Variants in ACOXL observed in about 807,000 individuals in gnomAD.
ACOXL encodes the protein acyl-coenzyme A oxidase-like protein.
A neutral mutation model predicts 71.9 loss-of-function variants in ACOXL; 70 were observed. The ratio of observed to expected loss-of-function variants is 0.97; its 90% CI spans 0.80 to 1.19. The LOEUF (loss-of-function observed/expected upper bound fraction) is 1.19, where lower values mean the gene tolerates loss of function less well. Among genes scored for constraint, ACOXL ranks in the 50% most tolerant of loss-of-function variants. ACOXL has a pLI of 0.00. For synonymous variants in ACOXL, 253 were observed against 281.6 expected, an observed-to-expected ratio of 0.90 and a Z score of 1.02; for missense variants, 703 against 736.3, an observed-to-expected ratio of 0.95 and a Z score of 0.52.
intron 12 of ACOXL, among the ~76,000 whole-genome samples, chr2:110,951,072 A>G (rs192361716): frequency 2.9e-4 from 44 of 152,240 alleles, no homozygotes; most frequent in Non-Finnish European, 1.2e-4. Flanking sequence ...TCTGCATCTC[A>G]GTTGAGTCAG....
At chr2:110,891,140 A>G (rs1296814140) in intron 10 of ACOXL, among the ~76,000 whole-genome samples, 1 of 152,008 alleles carries the variant, frequency 6.6e-6, no homozygotes, top group African/African-American at 2.4e-5. Flanking sequence ...ACCTTGCTGA[A>G]CTTGTTTTTT....
intron 14 of ACOXL, among the ~76,000 whole-genome samples, chr2:110,996,920 C>A (rs2063420644): frequency 6.6e-6 from 1 of 152,198 alleles, no homozygotes; most frequent in Non-Finnish European, 1.5e-5. Flanking sequence ...TGGATGAGAA[C>A]CTGCAGGAAG....
rs12105002 is a variant in ACOXL at position 110,801,726 on chromosome 2, T to G, written c.620+2T>G. On this transcript the variant is annotated splice_donor_variant, in intron 8 of 17. Coordinates refer to ENST00000439055, the MANE Select transcript of ACOXL (RefSeq NM_001142807.4). LOFTEE classifies it high-confidence loss of function. ...ACCCAGGGAGAACCTGCTGGATAAG[T>G]GAGTAGTTTCTCCTTAACTCAGGTC... 5.6e-6 allele frequency: 9 copies of G among 1,613,468 alleles called. No homozygotes were observed. The highest frequency in any genetic ancestry group is 7.6e-6 in the Non-Finnish European group (9 of 1,179,378).
At chr2:111,110,617 C>T (rs1315235799) in intron 17 of ACOXL, among the ~76,000 whole-genome samples, 1 of 152,180 alleles carries the variant, frequency 6.6e-6, no homozygotes, top group Non-Finnish European at 1.5e-5. Flanking sequence ...CTCTGTTAGG[C>T]CCAGTCTTCT....
chr2:110,879,083 A>G (rs1696299603), intron 10 of ACOXL, among the ~76,000 whole-genome samples: 1 of 152,078 alleles, frequency 6.6e-6, no homozygotes, highest in South Asian at 2.1e-4. Flanking sequence ...AAAACAAAAC[A>G]AAAATAAAGT....
chr2:110,748,829 T>G (rs552780730), intron 1 of ACOXL, among the ~76,000 whole-genome samples: 2 of 152,352 alleles, frequency 1.3e-5, no homozygotes, highest in South Asian at 2.1e-4. Context: ...TGTGACTGCT[T>G]GGCCGTGGTT....
At chr2:110,908,713 C>A (rs566537037) in intron 10 of ACOXL, 76 bp from the exon 11 acceptor site, 11 of 1,156,298 alleles carry the variant, frequency 9.5e-6, no homozygotes, top group Non-Finnish European at 1.3e-5. Context: ...GGCTAGCCAG[C>A]ATTTTTAGCT....
At chr2:111,056,007 A>G (rs1288969063) in intron 16 of ACOXL, among the ~76,000 whole-genome samples, 2 of 152,162 alleles carry the variant, frequency 1.3e-5, no homozygotes, top group Admixed American at 6.5e-5. Flanking sequence ...CTGAGTCCCT[A>G]TTGTGTGTCA....
intron 10 of ACOXL, among the ~76,000 whole-genome samples, chr2:110,889,151 A>G (rs529773557): frequency 6.6e-6 from 1 of 152,336 alleles, no homozygotes; most frequent in Admixed American, 6.5e-5. Context: ...TTTGCACTCA[A>G]CTGTATAGAA....
chr2:111,021,632 C>T (rs990363428), intron 14 of ACOXL, among the ~76,000 whole-genome samples: 4 of 152,082 alleles, frequency 2.6e-5, no homozygotes, highest in South Asian at 2.1e-4. Flanking sequence ...AGAGAGGCTG[C>T]GGGTGGAGAG....
intron 15 of ACOXL, among the ~76,000 whole-genome samples, chr2:111,036,537 G>T (rs1243008220): frequency 6.6e-6 from 1 of 152,200 alleles, no homozygotes; most frequent in Non-Finnish European, 1.5e-5. Context: ...GGAAGAGAAG[G>T]AATGTCCCCT....
chr2:110,835,387 G>A (rs1046625961), intron 9 of ACOXL, among the ~76,000 whole-genome samples: 5 of 152,038 alleles, frequency 3.3e-5, no homozygotes, highest in African/African-American at 1.2e-4. Flanking sequence ...TCCTCTTTTG[G>A]TGGAATGACA....
intron 17 of ACOXL, among the ~76,000 whole-genome samples, chr2:111,115,082 C>T (rs2150091509): frequency 6.6e-6 from 1 of 152,210 alleles, no homozygotes; most frequent in East Asian, 1.9e-4. Flanking sequence ...CTTGTTCATA[C>T]TTTTTTATTT....
At position 111,032,680 on chromosome 2, in the gene ACOXL, G is replaced by T. The variant is rs3789089; in HGVS notation, c.1369+966G>T. Among the ~76,000 whole-genome samples the T allele has an allele frequency of 8.9e-4, 136 of 152,204 alleles. 2 individuals are homozygous for T. In the East Asian group the frequency reaches 0.023, roughly 26 times the overall value. On this transcript the variant is annotated intron_variant, in intron 15 of 17. Coordinates refer to ENST00000439055, the MANE Select transcript of ACOXL (RefSeq NM_001142807.4). ...GGTCATACCACAGCTTGCATCTGGG[G>T]CACTATCTCATGGGATGGAGATGGG...
At chr2:111,076,944 C>T (rs2149954822) in intron 16 of ACOXL, among the ~76,000 whole-genome samples, 1 of 152,290 alleles carries the variant, frequency 6.6e-6, no homozygotes, top group Middle Eastern at 3.4e-3. Flanking sequence ...CCTCTTCTGT[C>T]TGTGAAATCT....
intron 16 of ACOXL, among the ~76,000 whole-genome samples, chr2:111,061,966 TAAA>T (rs1195035148): frequency 1.3e-5 from 2 of 151,076 alleles, no homozygotes; most frequent in Non-Finnish European, 3.0e-5. Flanking sequence ...AAACAAGAAA[TAAA>T]AAGACAGTCT....
chr2:110,784,443 C>G (rs765742133), intron 2 of ACOXL, among the ~76,000 whole-genome samples: 1 of 151,998 alleles, frequency 6.6e-6, no homozygotes. Context: ...AAGCAAGGCA[C>G]GAGGCGAGTC....
At chr2:110,963,813 T>G (rs1574303990) in intron 12 of ACOXL, 3 of 1,502,016 alleles carry the variant, frequency 2.0e-6, no homozygotes, top group Non-Finnish European at 2.7e-6. Flanking sequence ...AATTGGCAGG[T>G]GCTTTCCTGT....
chr2:110,796,071 G>C (rs962932771), intron 5 of ACOXL: 2 of 151,908 alleles, frequency 1.3e-5, no homozygotes, highest in African/African-American at 4.8e-5. Flanking sequence ...GACATAGCAG[G>C]AATGTATTTC....
Sources: allele counts gnomAD v4.1 joint callset (sites outside exome capture counted in the v4.1 genomes callset), GRCh38; gene constraint gnomAD v4.1.1; transcripts MANE v1.5; gene names NCBI Gene and HGNC (gene_info 2026-07-23, HGNC 2026-07-21).